Variants in NELL2 observed in about 807,000 individuals in gnomAD.
NELL2 encodes protein kinase C-binding protein NELL2.
NELL2 carries 41 observed loss-of-function variants against 109.6 expected under a neutral mutation model. The ratio of observed to expected loss-of-function variants is 0.37; its 90% confidence interval spans 0.29 to 0.49. The LOEUF (loss-of-function observed/expected upper bound fraction) is 0.49. NELL2 is among the 20% of genes least tolerant of loss of function. The pLI, the probability that NELL2 is intolerant of heterozygous loss-of-function variation, is 0.98. For missense variants in NELL2, 900 were observed against 1,008.3 expected, an observed-to-expected ratio of 0.89 and a Z score of 1.45; for synonymous variants, 355 against 344.7, an observed-to-expected ratio of 1.03 and a Z score of -0.33.
At chr12:44,620,677 C>G (rs757015706) in intron 13 of NELL2, among the ~76,000 whole-genome samples, 3 of 152,084 alleles carry the variant, frequency 2.0e-5, no homozygotes, top group Non-Finnish European at 4.4e-5. Context: ...AGACTCCTCC[C>G]TCCCTTCTTC....
chr12:44,770,202 C>A (rs1337130111), intron 9 of NELL2, among the ~76,000 whole-genome samples: 3 of 152,116 alleles, frequency 2.0e-5, no homozygotes, highest in Non-Finnish European at 4.4e-5. Flanking sequence ...CTAATGAGAT[C>A]ATTTCACTAC....
chr12:44,585,835 T>C (rs1944474376), intron 15 of NELL2, among the ~76,000 whole-genome samples: 1 of 152,008 alleles, frequency 6.6e-6, no homozygotes, highest in Non-Finnish European at 1.5e-5. Context: ...CAAGAGATGC[T>C]GCTAATCACT....
chr12:44,548,512 A>C (rs533528222), intron 15 of NELL2, among the ~76,000 whole-genome samples: 1 of 150,756 alleles, frequency 6.6e-6, no homozygotes. Flanking sequence ...ACCACTGCAC[A>C]CCAGCCCGGG....
At chr12:44,549,194 T>TA (rs1351767679) in intron 15 of NELL2, among the ~76,000 whole-genome samples, 2 of 152,174 alleles carry the variant, frequency 1.3e-5, no homozygotes, top group African/African-American at 4.8e-5. Flanking sequence ...TATAGTACAC[T>TA]AACTGTGGAG....
intron 2 of NELL2, among the ~76,000 whole-genome samples, chr12:44,866,273 T>C (rs1273055477): frequency 1.3e-5 from 2 of 152,154 alleles, no homozygotes; most frequent in Non-Finnish European, 2.9e-5. Flanking sequence ...AAGATTAAAG[T>C]AGATATGAAA....
At chr12:44,724,630 C>A (rs1938968449) in intron 9 of NELL2, among the ~76,000 whole-genome samples, 1 of 151,874 alleles carries the variant, frequency 6.6e-6, no homozygotes, top group Admixed American at 6.6e-5. Flanking sequence ...GGAAAAACAT[C>A]CCATGCTCAC....
intron 9 of NELL2, among the ~76,000 whole-genome samples, chr12:44,737,230 C>T (rs1213703182): frequency 6.6e-6 from 1 of 151,522 alleles, no homozygotes; most frequent in Non-Finnish European, 1.5e-5. Context: ...GCTATAAGTC[C>T]CTCATGTCTA....
At chr12:44,601,692 T>G (rs1284857215) in intron 15 of NELL2, among the ~76,000 whole-genome samples, 3 of 152,144 alleles carry the variant, frequency 2.0e-5, no homozygotes, top group Non-Finnish European at 4.4e-5. Context: ...TCATATCAGG[T>G]GTCATTTACT....
At chr12:44,703,454 CT>C (rs1314439909) in intron 12 of NELL2, among the ~76,000 whole-genome samples, 1 of 151,820 alleles carries the variant, frequency 6.6e-6, no homozygotes, top group Non-Finnish European at 1.5e-5. Context: ...ATCTGAATAT[CT>C]AATTATGAAA....
At chr12:44,609,917 G>A (rs1945546787) in intron 14 of NELL2, among the ~76,000 whole-genome samples, 1 of 151,964 alleles carries the variant, frequency 6.6e-6, no homozygotes, top group South Asian at 2.1e-4. Context: ...AGCTTAAAAT[G>A]CCTAAATTGG....
At chr12:44,530,827 G>A (rs1310983776) in intron 16 of NELL2, among the ~76,000 whole-genome samples, 2 of 152,152 alleles carry the variant, frequency 1.3e-5, no homozygotes, top group African/African-American at 4.8e-5. Context: ...GCACAGTCCT[G>A]GCCAAGAACT....
At chr12:44,888,422 T>C (rs1945498769) in intron 1 of NELL2, among the ~76,000 whole-genome samples, 1 of 146,832 alleles carries the variant, frequency 6.8e-6, no homozygotes, top group Non-Finnish European at 1.5e-5. Context: ...TTGACAAACC[T>C]TCACCTGGAC....
intron 1 of NELL2, among the ~76,000 whole-genome samples, chr12:44,884,645 C>CA: frequency 6.6e-6 from 1 of 151,944 alleles, no homozygotes; most frequent in Admixed American, 6.5e-5. Context: ...AAATCCTAAA[C>CA]AAAATATTAT....
At chr12:44,675,374 T>C (rs755885587) in intron 12 of NELL2, among the ~76,000 whole-genome samples, 18 of 152,186 alleles carry the variant, frequency 1.2e-4, no homozygotes, top group Non-Finnish European at 2.5e-4. Flanking sequence ...CAGTGGTTTC[T>C]GATTCTCCAG....
chr12:44,839,496 G>A (rs1487900608), intron 2 of NELL2, among the ~76,000 whole-genome samples: 1 of 152,112 alleles, frequency 6.6e-6, no homozygotes, highest in East Asian at 1.9e-4. Context: ...AAGAATATGA[G>A]CATTTGTGTA....
intron 2 of NELL2, among the ~76,000 whole-genome samples, chr12:44,817,841 A>G (rs1328759463): frequency 6.6e-6 from 1 of 151,992 alleles, no homozygotes; most frequent in Non-Finnish European, 1.5e-5. Flanking sequence ...ATCCCTCCCC[A>G]CTCTCAACCC....
intron 15 of NELL2, among the ~76,000 whole-genome samples, chr12:44,587,307 A>ATATATATTTT (rs1302978950): frequency 2.9e-4 from 28 of 96,644 alleles, no homozygotes; most frequent in African/African-American, 1.0e-3. Context: ...ATATATATAT[A>ATATATATTTT]TTTTTTTTTA....
chr12:44,872,072 T>A (rs1018963403), intron 2 of NELL2, among the ~76,000 whole-genome samples: 1 of 152,146 alleles, frequency 6.6e-6, no homozygotes, highest in Admixed American at 6.5e-5. Flanking sequence ...TGATCCCTCA[T>A]GTACAGAGAG....
intron 15 of NELL2, among the ~76,000 whole-genome samples, chr12:44,545,328 T>A (rs1942747942): frequency 6.6e-6 from 1 of 152,070 alleles, no homozygotes; most frequent in African/African-American, 2.4e-5. Flanking sequence ...AGGTCATTTT[T>A]TGGTTTCGAG....
Sources: gnomAD v4.1 joint callset for allele counts (sites outside exome capture counted in the v4.1 genomes callset) on GRCh38, gnomAD v4.1.1 for gene constraint, MANE v1.5 for transcripts, NCBI Gene and HGNC (gene_info 2026-07-23, HGNC 2026-07-21) for gene names.